Variants in GSN observed in about 807,000 individuals in gnomAD.
GSN encodes gelsolin.
Under a neutral mutation model 85.7 loss-of-function variants are expected in GSN, and 56 were observed. That is an observed-to-expected ratio of 0.65 (90% CI 0.53 to 0.82). GSN has a LOEUF of 0.82. Ranked by LOEUF, GSN falls within the 40% of genes least tolerant of loss-of-function variation. The probability of loss-of-function intolerance (pLI) is 0.00; values close to 1 mark genes in which losing one functional copy is unlikely to be tolerated. For synonymous variants in GSN, 373 were observed against 399.1 expected (o/e 0.93, Z 0.78); for missense variants, 857 against 979.8 (o/e 0.87, Z 1.67).
chr9:121,257,204 T>A (rs2054983183), intron 6 of GSN, among the ~76,000 whole-genome samples: 1 of 152,162 alleles, frequency 6.6e-6, no homozygotes, highest in African/African-American at 2.4e-5. Flanking sequence ...ATATATACTC[T>A]ACGGAAAAGA....
chr9:121,232,735 A>C (rs1023484956), intron 5 of GSN, among the ~76,000 whole-genome samples: 6 of 152,204 alleles, frequency 3.9e-5, no homozygotes, highest in Admixed American at 3.9e-4. Flanking sequence ...GATTGGAAGA[A>C]CTCTGCCAAA....
chr9:121,251,684 C>T (rs567666982), intron 6 of GSN, among the ~76,000 whole-genome samples: 5 of 152,080 alleles, frequency 3.3e-5, no homozygotes, highest in South Asian at 2.1e-4. Context: ...AATGGCCAGG[C>T]GCGATGGCTC....
intron 4 of GSN, among the ~76,000 whole-genome samples, chr9:121,230,388 AAG>A (rs781148006): frequency 2.0e-5 from 3 of 152,232 alleles, no homozygotes; most frequent in Non-Finnish European, 4.4e-5. Flanking sequence ...GGACCTCATG[AAG>A]AGATGTAGCT....
intron 2 of GSN, among the ~76,000 whole-genome samples, chr9:121,290,067 C>T (rs1228466708): frequency 6.6e-6 from 1 of 151,830 alleles, no homozygotes; most frequent in Non-Finnish European, 1.5e-5. Flanking sequence ...TGAGCTTGGT[C>T]TCTGCTCTGG....
At chr9:121,209,576 GC>G (rs1174711301) in intron 2 of GSN, among the ~76,000 whole-genome samples, 1 of 152,168 alleles carries the variant, frequency 6.6e-6, no homozygotes, top group Non-Finnish European at 1.5e-5. Flanking sequence ...TAGCTGTGTG[GC>G]TTTGGAAAGT....
rs58231680 is a variant in GSN at position 121,251,187 on chromosome 9, CT to C, written c.-341+2877del. 1.2e-4 allele frequency among the ~76,000 whole-genome samples: 9 copies of C among 73,044 alleles called. 1 individual carries two copies. The highest frequency in any genetic ancestry group is 2.0e-4 in the African/African-American group (3 of 15,370). 47.9% of individuals were successfully genotyped at this position (73,044 alleles called of 152,430 possible). On this transcript the variant is annotated intron_variant, in intron 6 of 24. Transcript: ENST00000373823. ...ATAACATACCTACAGCTGATGTGTT[CT>C]TTTTTTTTTTTTGAGATGGATTCTC...
intron 2 of GSN, among the ~76,000 whole-genome samples, chr9:121,286,429 A>G (rs1163979556): frequency 6.6e-6 from 1 of 152,194 alleles, no homozygotes; most frequent in Non-Finnish European, 1.5e-5. Context: ...AACCCCAGCC[A>G]TGCTTCTCCA....
chr9:121,327,169 T>G (rs565149314), intron 13 of GSN, 139 bp from the exon 14 acceptor site: 6 of 802,890 alleles, frequency 7.5e-6, no homozygotes, highest in African/African-American at 6.7e-5. Context: ...GTCCAAAGTC[T>G]GTGCCCTCAG....
chr9:121,310,022 G>GA (rs2060899237), intron 4 of GSN: 1 of 151,794 alleles, frequency 6.6e-6, no homozygotes, highest in African/African-American at 2.5e-5. Flanking sequence ...AGAAAGGAAG[G>GA]AAGGAAAGGA....
chr9:121,257,719 A>G (rs914219557), intron 6 of GSN, among the ~76,000 whole-genome samples: 1 of 152,140 alleles, frequency 6.6e-6, no homozygotes, highest in African/African-American at 2.4e-5. Context: ...AAAGATAGAA[A>G]AATTAGGTGG....
chr9:121,244,271 G>T (rs1049240126), intron 5 of GSN, among the ~76,000 whole-genome samples: 2 of 152,308 alleles, frequency 1.3e-5, no homozygotes, highest in Non-Finnish European at 2.9e-5. Context: ...CTAGTTTTTG[G>T]TGATTATGAA....
chr9:121,205,305 G>A (rs1564328151), upstream of GSN, among the ~76,000 whole-genome samples: 1 of 152,198 alleles, frequency 6.6e-6, no homozygotes, highest in African/African-American at 2.4e-5. Context: ...CCTTCTTTCT[G>A]TCCCCTCATG....
intron 2 of GSN, chr9:121,286,451 C>G: frequency 2.8e-6 from 2 of 713,008 alleles, no homozygotes; most frequent in South Asian, 2.0e-5. Flanking sequence ...ACTGTTTACG[C>G]TTCCTTGTGC....
chr9:121,229,137 C>G (rs146805039), intron 4 of GSN, among the ~76,000 whole-genome samples: 1 of 152,174 alleles, frequency 6.6e-6, no homozygotes, highest in Non-Finnish European at 1.5e-5. Flanking sequence ...GCACATAATT[C>G]TCATAACTCT....
At chr9:121,288,621 C>T (rs2058379419) in intron 2 of GSN, among the ~76,000 whole-genome samples, 3 of 152,206 alleles carry the variant, frequency 2.0e-5, no homozygotes, top group African/African-American at 7.2e-5. Context: ...GTCACTTTTA[C>T]AGGCTCACAT....
upstream of GSN, among the ~76,000 whole-genome samples, chr9:121,206,528 C>G (rs1384558218): frequency 1.3e-5 from 2 of 152,036 alleles, no homozygotes. Context: ...CCCCATACAC[C>G]TTATACCACC....
rs996046505 is a variant in GSN at position 121,299,683 on chromosome 9, G to T, written c.-9-2280G>T. On this transcript the variant is annotated intron_variant, in intron 2 of 17. Coordinates refer to ENST00000432226, the MANE Select transcript of GSN (RefSeq NM_198252.3). This position sits in a 1 kb window ranked among gnomAD's most constrained non-coding sequence, Gnocchi z 4.2. ...CCGGAGCTGGGGTGCAGGGGCTGCC[G>T]CGCCCTGTCGGGTCGATCCGGGTGG... The T allele has an allele frequency of 3.3e-5, 26 of 777,990 alleles. No individual in the cohort carries two copies. Among genetic ancestry groups the T allele is most frequent in the Non-Finnish European group, 8.3e-6 (5 of 600,276 alleles). The allele number at this position is 777,990 out of a possible 1,614,324, so 48.2% of individuals were successfully genotyped here.
In GSN at chr9:121,299,849, C is replaced by T. The variant is rs575773441; in HGVS notation, c.-9-2114C>T. 6 of 1,353,200 alleles carry T rather than the reference C, an allele frequency of 4.4e-6. No individual in the cohort carries two copies. The highest frequency in any genetic ancestry group is 1.5e-5 in the African/African-American group (1 of 65,694). 83.8% of individuals were successfully genotyped at this position (1,353,200 alleles called of 1,614,324 possible). A position where few individuals can be genotyped will look rare whatever the true frequency, so the allele number is the denominator to read the frequency against. On this transcript the variant is annotated intron_variant, in intron 2 of 17. Coordinates refer to ENST00000432226, the MANE Select transcript of GSN (RefSeq NM_198252.3). This position sits in a 1 kb window ranked among gnomAD's most constrained non-coding sequence, Gnocchi z 4.2. ...CGCGGCTGCCGACTGGGTCCCCTGC[C>T]GCTGTCGCCACCATGGCTCCGCACC...
rs188214536 is a variant in GSN at position 121,314,000 on chromosome 9, C to G, written c.730C>G (p.Arg244Gly). The stretch of plus-strand genomic sequence containing the variant: ...CACCGCCAAGGAGGATGCGGCCAAC[C>G]GCAAGCTGGCCAAGCTCTACAAGGT... Reference protein sequence around the residue: ...EDTAKEDAANRKLAKLYKVSN... With the variant: ...EDTAKEDAANGKLAKLYKVSN... Residue 244 changes from arginine to glycine, a missense_variant, in exon 7 of 18, where the codon CGC (arginine) becomes GGC (glycine). Physicochemically the swap from Arg to Gly is moderately radical, Grantham distance 125. Transcript: ENST00000432226. The G allele has an allele frequency of 6.2e-7, 1 of 1,613,798 alleles. No homozygotes were observed. The highest frequency in any genetic ancestry group is 1.1e-5 in the South Asian group (1 of 91,082).
Sources: gnomAD v4.1 joint callset for allele counts (sites outside exome capture counted in the v4.1 genomes callset) on GRCh38, gnomAD v4.1.1 for gene constraint, Gnocchi (gnomAD v3.1) non-coding constraint, MANE v1.5 for transcripts, NCBI Gene and HGNC (gene_info 2026-07-23, HGNC 2026-07-21) for gene names.